PAPPA: variants seen among roughly 807,000 people sequenced by gnomAD.
PAPPA encodes pappalysin 1.
PAPPA carries 60 observed loss-of-function variants against 164.0 expected under a neutral mutation model. The ratio of observed to expected loss-of-function variants is 0.37; its 90% CI spans 0.30 to 0.45. The LOEUF (loss-of-function observed/expected upper bound fraction) is 0.45, where lower values mean the gene tolerates loss of function less well. Among genes scored for constraint, PAPPA ranks in the 20% least tolerant of loss-of-function variants. The pLI, the probability that PAPPA is intolerant of heterozygous loss-of-function variation, is 1.00. For missense variants in PAPPA, 1,782 were observed against 2,087.3 expected (o/e 0.85, Z 2.85); for synonymous variants, 875 against 814.1 (o/e 1.07, Z -1.27).
At chr9:116,329,973 A>G (rs933195756) in intron 10 of PAPPA, among the ~76,000 whole-genome samples, 1 of 152,228 alleles carries the variant, frequency 6.6e-6, no homozygotes, top group Non-Finnish European at 1.5e-5. Context: ...TTATTGTAGA[A>G]ATGGATATTC....
chr9:116,260,383 A>T (rs1844987224), intron 7 of PAPPA, among the ~76,000 whole-genome samples: 2 of 152,198 alleles, frequency 1.3e-5, no homozygotes, highest in African/African-American at 4.8e-5. Flanking sequence ...TCTTTGGCAC[A>T]TCATCTCAGG....
At chr9:116,252,353 A>G (rs1001637749) in intron 7 of PAPPA, among the ~76,000 whole-genome samples, 12 of 152,242 alleles carry the variant, frequency 7.9e-5, no homozygotes, top group African/African-American at 2.9e-4. Flanking sequence ...TATTTAATCC[A>G]GACAATGGGT....
At chr9:116,375,682 C>T (rs905613923) in intron 19 of PAPPA, among the ~76,000 whole-genome samples, 1 of 152,182 alleles carries the variant, frequency 6.6e-6, no homozygotes, top group African/African-American at 2.4e-5. Context: ...CTTGGGGTCA[C>T]CTGATTCCCT....
chr9:116,315,599 T>C (rs1845778341), intron 10 of PAPPA, among the ~76,000 whole-genome samples: 1 of 152,218 alleles, frequency 6.6e-6, no homozygotes. Flanking sequence ...TAAGCAATTT[T>C]CCTGTGATTG....
intron 9 of PAPPA, among the ~76,000 whole-genome samples, chr9:116,294,406 T>C (rs1845475829): frequency 6.6e-6 from 1 of 152,178 alleles, no homozygotes; most frequent in South Asian, 2.1e-4. Flanking sequence ...ACCCTGTCTT[T>C]TGTACTCTGG....
At chr9:116,341,877 A>C (rs1846142494) in intron 13 of PAPPA, among the ~76,000 whole-genome samples, 1 of 152,238 alleles carries the variant, frequency 6.6e-6, no homozygotes, top group Non-Finnish European at 1.5e-5. Context: ...ATAAGTTTCC[A>C]AAGTCAGACA....
At chr9:116,166,622 A>G (rs929715900) in intron 1 of PAPPA, among the ~76,000 whole-genome samples, 5 of 152,204 alleles carry the variant, frequency 3.3e-5, no homozygotes, top group Non-Finnish European at 7.3e-5. Flanking sequence ...CTCAGCAGTA[A>G]TAACAGTAAT....
At chr9:116,277,791 G>C (rs10114003) in intron 9 of PAPPA, among the ~76,000 whole-genome samples, 30,489 of 151,902 alleles carry the variant, frequency 0.2, 3,963 homozygotes, top group African/African-American at 0.36. Flanking sequence ...ATTCTCCTAC[G>C]TCAGCCTCCT....
At chr9:116,237,830 C>T (rs1032108361) in intron 7 of PAPPA, among the ~76,000 whole-genome samples, 6 of 151,996 alleles carry the variant, frequency 3.9e-5, no homozygotes, top group Admixed American at 3.9e-4. Flanking sequence ...AGCAATTCTC[C>T]TGCCTCAGCC....
At chr9:116,265,174 A>G (rs1845051859) in intron 7 of PAPPA, among the ~76,000 whole-genome samples, 1 of 152,184 alleles carries the variant, frequency 6.6e-6, no homozygotes, top group African/African-American at 2.4e-5. Context: ...CCTCAGATTC[A>G]CCATCTGTAA....
At chr9:116,354,357 C>T (rs543713504) in intron 17 of PAPPA, among the ~76,000 whole-genome samples, 10 of 152,058 alleles carry the variant, frequency 6.6e-5, no homozygotes, top group East Asian at 3.9e-4. Flanking sequence ...AAGGATGGTA[C>T]GGGAATCAAG....
Position 116,211,856 on chromosome 9 carries a change from C to T in PAPPA, c.1842C>T (p.Asp614=), listed in dbSNP as rs1197153629. The T allele has an allele frequency of 5.0e-6, 8 of 1,613,998 alleles. No homozygotes were observed. Among genetic ancestry groups the T allele is most frequent in the Admixed American group, 1.7e-5 (1 of 60,004 alleles). ...CCCCTAAACACAAGTCCTGTGGTGA[C>T]CCAGGGCCAGGAAATGACACCTGTG... ...NPAPKHKSCG[D]PGPGNDTCGF... is the part of the protein sequence containing the mutation. Residue 614 remains aspartate, a synonymous_variant, in exon 4 of 22, where the codon GAC becomes GAT. Coordinates refer to ENST00000328252, the MANE Select transcript of PAPPA (RefSeq NM_002581.5).
chr9:116,187,455 G>A lies in PAPPA; in HGVS notation c.717G>A (p.Met239Ile). ...TGACCCAGAAGTGCAAAGTGCTCAT[G>A]TTAGGGGGCAGTGCCCTGAATCACA... The part of the protein sequence containing the change: ...SPLTQKCKVL[M>I]LGGSALNHNY... Residue 239 changes from methionine (M) to isoleucine (I), a missense_variant, in exon 2 of 22, where the codon ATG becomes ATA. This residue lies in a region of PAPPA where 458 missense variants were observed against 430.3 expected (regional missense o/e 1.06). Transcript: ENST00000328252. This position sits in a 1 kb window ranked among gnomAD's most constrained non-coding sequence, Gnocchi z 4.2. The A allele has an allele frequency of 6.2e-7, 1 of 1,614,194 alleles. No individual in the cohort carries two copies. The highest frequency in any genetic ancestry group is 8.5e-7 in the Non-Finnish European group (1 of 1,180,050).
intron 7 of PAPPA, among the ~76,000 whole-genome samples, chr9:116,237,772 T>G (rs1051922739): frequency 1.3e-5 from 2 of 151,524 alleles, no homozygotes; most frequent in Non-Finnish European, 2.9e-5. Context: ...CAGGTTGGAG[T>G]GCAGTGGTGT....
intron 21 of PAPPA, among the ~76,000 whole-genome samples, chr9:116,386,677 C>T (rs1310349460): frequency 6.6e-6 from 1 of 152,166 alleles, no homozygotes; most frequent in Non-Finnish European, 1.5e-5. Context: ...ATGCAGGGTG[C>T]CTGTGTCCTT....
At chr9:116,331,969 C>A (rs574186377) in intron 11 of PAPPA, among the ~76,000 whole-genome samples, 1 of 152,250 alleles carries the variant, frequency 6.6e-6, no homozygotes, top group East Asian at 1.9e-4. Context: ...CTTTGCTACA[C>A]ACTTTACTCT....
intron 13 of PAPPA, among the ~76,000 whole-genome samples, chr9:116,337,664 C>A (rs1481355338): frequency 6.6e-6 from 1 of 151,788 alleles, no homozygotes; most frequent in East Asian, 1.9e-4. Context: ...TCTCTCCTCT[C>A]CCTTTTCTCC....
At chr9:116,289,301 T>TGCC in intron 9 of PAPPA, among the ~76,000 whole-genome samples, 1 of 144,160 alleles carries the variant, frequency 6.9e-6, no homozygotes, top group African/African-American at 2.5e-5. Context: ...AGCATATATA[T>TGCC]AGCATATATA....
At chr9:116,378,007 A>G (rs16933469) in intron 20 of PAPPA, among the ~76,000 whole-genome samples, 362 of 152,314 alleles carry the variant, frequency 2.4e-3, no homozygotes, top group African/African-American at 8.2e-3. Context: ...ATTTACCAAC[A>G]TTGTTACATT....
Sources: gnomAD v4.1 joint callset for allele counts (sites outside exome capture counted in the v4.1 genomes callset) on GRCh38, gnomAD v4.1.1 for gene constraint, gnomAD v4.1.1 regional missense constraint, Gnocchi (gnomAD v3.1) non-coding constraint, MANE v1.5 for transcripts, NCBI Gene and HGNC (gene_info 2026-07-23, HGNC 2026-07-21) for gene names.